KCNK2: variants seen among roughly 807,000 people sequenced by gnomAD.
KCNK2 encodes potassium two pore domain channel subfamily K member 2, also known as potassium channel subfamily K member 2.
In KCNK2, 21 loss-of-function variants were observed where a neutral mutation model predicts 40.5. The observed-to-expected ratio is 0.52, with a 90% CI of 0.37 to 0.75. KCNK2 has a LOEUF of 0.75. Ranked by LOEUF, KCNK2 falls within the 30% of genes least tolerant of loss-of-function variation. The pLI is 0.00. For synonymous variants in KCNK2, 191 were observed against 202.2 expected, an observed-to-expected ratio of 0.94 and a Z score of 0.47; for missense variants, 399 against 531.6, an observed-to-expected ratio of 0.75 and a Z score of 2.45.
chr1:215,104,913 A>G (rs560864848), intron 2 of KCNK2, among the ~76,000 whole-genome samples: 1 of 152,036 alleles, frequency 6.6e-6, no homozygotes, highest in South Asian at 2.1e-4. Flanking sequence ...TGATTATCTC[A>G]TTTTGTAATA....
chr1:215,128,167 C>T (rs1375287763), intron 3 of KCNK2, among the ~76,000 whole-genome samples: 1 of 152,058 alleles, frequency 6.6e-6, no homozygotes, highest in Non-Finnish European at 1.5e-5. Flanking sequence ...GCTTCCTTTT[C>T]CTTAGTAGGC....
intron 2 of KCNK2, among the ~76,000 whole-genome samples, chr1:215,094,087 G>C (rs1659874219): frequency 1.3e-5 from 2 of 148,852 alleles, no homozygotes. Context: ...ATTCTGATTT[G>C]TGTAAGCACT....
intron 1 of KCNK2, among the ~76,000 whole-genome samples, chr1:215,060,215 G>A (rs1379438712): frequency 2.0e-5 from 3 of 152,078 alleles, no homozygotes; most frequent in South Asian, 2.1e-4. Context: ...GCAGAACCTC[G>A]GCCGCAACTA....
chr1:215,056,757 T>G (rs956449383), intron 1 of KCNK2, among the ~76,000 whole-genome samples: 3 of 151,634 alleles, frequency 2.0e-5, no homozygotes, highest in Non-Finnish European at 4.4e-5. Flanking sequence ...CATCCAGTCA[T>G]CCACTCTATT....
At chr1:215,065,805 G>A (rs1046830074) in intron 1 of KCNK2, among the ~76,000 whole-genome samples, 4 of 152,144 alleles carry the variant, frequency 2.6e-5, no homozygotes, top group African/African-American at 9.7e-5. Flanking sequence ...GAAGAAAAGT[G>A]GGAGGAAAGA....
intron 2 of KCNK2, among the ~76,000 whole-genome samples, chr1:215,104,526 C>T (rs1226493826): frequency 6.6e-6 from 1 of 151,966 alleles, no homozygotes; most frequent in Non-Finnish European, 1.5e-5. Context: ...TGCTTGCTGC[C>T]TCCTGTGCAT....
Position 215,117,701 on chromosome 1 carries a change from G to A in KCNK2, c.358-6932G>A, listed in dbSNP as rs537330435. Among the ~76,000 whole-genome samples the A allele has an allele frequency of 6.3e-4, 96 of 152,230 alleles. 1 individual carries two copies. Among genetic ancestry groups the A allele is most frequent in the African/African-American group, 2.1e-3 (89 of 41,554 alleles). On this transcript the variant is annotated intron_variant, in intron 2 of 6. Transcript: ENST00000444842. Reference sequence around the variant, plus strand: ...TATTCTTGAAGAGCAATATGCTAGTGTAGTGTGGTTTTCAAGAAGTTGTTT... The same window carrying A: ...TATTCTTGAAGAGCAATATGCTAGTATAGTGTGGTTTTCAAGAAGTTGTTT...
chr1:215,046,940 G>T (rs1426512891), intron 1 of KCNK2, among the ~76,000 whole-genome samples: 1 of 152,022 alleles, frequency 6.6e-6, no homozygotes, highest in East Asian at 1.9e-4. Context: ...TATATCTCTT[G>T]TTTCCGGGGT....
chr1:215,190,497 C>T (rs1169928321), intron 5 of KCNK2, among the ~76,000 whole-genome samples: 1 of 152,128 alleles, frequency 6.6e-6, no homozygotes, highest in Non-Finnish European at 1.5e-5. Context: ...TATTCAGACA[C>T]CTGTGTTAAA....
intron 1 of KCNK2, among the ~76,000 whole-genome samples, chr1:215,084,599 G>GT (rs1354496751): frequency 3.3e-5 from 5 of 152,114 alleles, no homozygotes; most frequent in East Asian, 3.8e-4. Flanking sequence ...CATTTTAACA[G>GT]TTTTTTTTAA....
At chr1:215,061,613 C>T (rs2102508010) in intron 1 of KCNK2, among the ~76,000 whole-genome samples, 1 of 152,184 alleles carries the variant, frequency 6.6e-6, no homozygotes, top group East Asian at 1.9e-4. Context: ...TTCTGATAGT[C>T]TGTCAAGTAT....
chr1:215,053,167 G>A (rs1321838379), intron 1 of KCNK2, among the ~76,000 whole-genome samples: 5 of 152,096 alleles, frequency 3.3e-5, no homozygotes, highest in Admixed American at 1.3e-4. Flanking sequence ...TGAGTCCGTG[G>A]CTTCCATTTG....
intron 5 of KCNK2, among the ~76,000 whole-genome samples, chr1:215,174,595 A>G (rs961017775): frequency 6.6e-6 from 1 of 152,150 alleles, no homozygotes; most frequent in Non-Finnish European, 1.5e-5. Context: ...GATTCTTCCT[A>G]TCCATGAGCA....
intron 1 of KCNK2, among the ~76,000 whole-genome samples, chr1:215,051,715 G>A (rs543394773): frequency 6.6e-6 from 1 of 152,218 alleles, no homozygotes; most frequent in Non-Finnish European, 1.5e-5. Flanking sequence ...TAGCATGTTT[G>A]GGAATAAAAG....
At chr1:215,174,865 G>T (rs1663882677) in intron 5 of KCNK2, among the ~76,000 whole-genome samples, 1 of 152,080 alleles carries the variant, frequency 6.6e-6, no homozygotes, top group African/African-American at 2.4e-5. Flanking sequence ...AGGAAATTTT[G>T]GGCCGAGACG....
At chr1:215,190,081 T>A (rs1203606933) in intron 5 of KCNK2, among the ~76,000 whole-genome samples, 2 of 152,230 alleles carry the variant, frequency 1.3e-5, no homozygotes, top group Non-Finnish European at 2.9e-5. Context: ...GGCTAGGTTA[T>A]CCTTTAAAAC....
At chr1:215,051,395 G>A (rs1191399919) in intron 1 of KCNK2, among the ~76,000 whole-genome samples, 2 of 152,194 alleles carry the variant, frequency 1.3e-5, no homozygotes, top group Non-Finnish European at 2.9e-5. Context: ...TTACAGAGCT[G>A]TCTTGTTTTT....
intron 2 of KCNK2, among the ~76,000 whole-genome samples, chr1:215,115,955 GTTT>G (rs35626781): frequency 2.2e-5 from 3 of 134,068 alleles, no homozygotes; most frequent in Admixed American, 7.5e-5. Flanking sequence ...TCTTCATCAT[GTTT>G]TTTTTTTTTT....
At chr1:215,210,004 TATATATAATATATAATATATA>T (rs1665649056) in intron 6 of KCNK2, among the ~76,000 whole-genome samples, 7 of 79,336 alleles carry the variant, frequency 8.8e-5, no homozygotes, top group Non-Finnish European at 1.3e-4. Context: ...TAATATATAT[TATATATAATATATAATATATA>T]TTATATATAA....
Sources: gnomAD v4.1 joint callset for allele counts (sites outside exome capture counted in the v4.1 genomes callset) on GRCh38, gnomAD v4.1.1 for gene constraint, MANE v1.5 for transcripts, NCBI Gene and HGNC (gene_info 2026-07-23, HGNC 2026-07-21) for gene names.